The following MYO5A variants were observed in gnomAD, a reference collection of about 807,000 sequenced individuals.
MYO5A encodes myosin VA, also known as unconventional myosin-Va.
MYO5A carries 98 observed loss-of-function variants against 249.7 expected under a neutral mutation model. The observed-to-expected ratio is 0.39, with a 90% CI of 0.33 to 0.46. The LOEUF is 0.46. Among genes scored for constraint, MYO5A ranks in the 20% least tolerant of loss-of-function variants. MYO5A has a pLI of 0.98. For missense variants in MYO5A, 1,696 were observed against 2,308.8 expected (o/e 0.73, Z 5.44); for synonymous variants, 778 against 810.6 (o/e 0.96, Z 0.68).
chr15:52,387,876 T>C lies in MYO5A; in HGVS notation c.1705A>G (p.Lys569Glu). Residue 569 changes from lysine (K) to glutamate (E), a missense_variant, in exon 14 of 42, where the codon AAA becomes GAA. By Grantham distance (56) the Lys-to-Glu change is moderately conservative. This residue lies in a region of MYO5A where 277 missense variants were observed against 422.4 expected (regional missense o/e 0.66). Coordinates refer to ENST00000399233, the MANE Select transcript of MYO5A (RefSeq NM_001382347.1). ...YQCEGFLEKN[K>E]DTVFEEQIKV... is the part of the protein sequence containing the mutation. ...ATTTGTTCTTCAAAAACGGTGTCTT[T>C]ATTCTTTTCGAGAAATCCTTCACAC... 1 of 1,612,748 alleles carries C rather than the reference T, an allele frequency of 6.2e-7. No individual in the cohort carries two copies. Among genetic ancestry groups the C allele is most frequent in the Non-Finnish European group, 8.5e-7 (1 of 1,179,240 alleles).
At chr15:52,381,436 G>T (rs2041734181) in intron 16 of MYO5A, among the ~76,000 whole-genome samples, 1 of 152,060 alleles carries the variant, frequency 6.6e-6, no homozygotes, top group Non-Finnish European at 1.5e-5. Context: ...GGGGGTGAGG[G>T]GTGGGAGCTA....
chr15:52,526,435 C>T (rs1471532666), intron 1 of MYO5A, among the ~76,000 whole-genome samples: 1 of 152,056 alleles, frequency 6.6e-6, no homozygotes, highest in Non-Finnish European at 1.5e-5. Context: ...GATCTTGGTT[C>T]ACTGCAACCT....
chr15:52,443,040 C>T (rs187005927), intron 1 of MYO5A, among the ~76,000 whole-genome samples: 4 of 152,310 alleles, frequency 2.6e-5, no homozygotes, highest in Admixed American at 2.6e-4. Context: ...CGTGAGCCAC[C>T]GTGCCTGGCC....
At chr15:52,392,196 A>T in intron 11 of MYO5A, 126 bp from the exon 12 acceptor site, 1 of 913,472 alleles carries the variant, frequency 1.1e-6, no homozygotes, top group Non-Finnish European at 1.7e-6. Context: ...CGGGAGAAGC[A>T]TGATTTACAC....
Position 52,490,136 on chromosome 15 carries a change from T to C in MYO5A, c.27+38644A>G, listed in dbSNP as rs2076906510. Among the ~76,000 whole-genome samples, 4 of 152,198 alleles carry C rather than the reference T, an allele frequency of 2.6e-5. 1 individual carries two copies. The highest frequency in any genetic ancestry group is 1.3e-4 in the Admixed American group (2 of 15,278). On this transcript the variant is annotated intron_variant, in intron 1 of 41. Coordinates refer to ENST00000399233, the MANE Select transcript of MYO5A (RefSeq NM_001382347.1). ...TGGAGAAATTAGAACCTCTGCACCC[T>C]GGTAATGTAAAATGGTGCAGCCAGT... is the stretch of plus-strand genomic sequence containing the variant.
chr15:52,430,284 A>T (rs1306584866), intron 2 of MYO5A, among the ~76,000 whole-genome samples: 1 of 152,204 alleles, frequency 6.6e-6, no homozygotes, highest in African/African-American at 2.4e-5. Context: ...GAATGGCAGA[A>T]GGGCAACCCA....
chr15:52,307,658 C>A lies in MYO5A; in HGVS notation c.*6038G>T, dbSNP rs976882741. The A allele has an allele frequency of 6.6e-6, 1 of 151,978 alleles. No individual in the cohort carries two copies. The highest frequency in any genetic ancestry group is 2.4e-5 in the African/African-American group (1 of 41,404). The allele number at this position is 151,978 out of a possible 1,614,324, so 9.4% of individuals were successfully genotyped here. A position where few individuals can be genotyped will look rare whatever the true frequency, so the allele number is the denominator to read the frequency against. ...TTGTATCAAAATTTTCTATGCAGAT[C>A]AAAGTAGAATTCCTTTTCCAGACCC... On this transcript the variant is annotated 3_prime_UTR_variant, in exon 42 of 42. Coordinates refer to ENST00000399233, the MANE Select transcript of MYO5A (RefSeq NM_001382347.1).
In MYO5A at chr15:52,311,275, G is replaced by C. The variant is rs896130689; in HGVS notation, c.*2421C>G. On this transcript the variant is annotated 3_prime_UTR_variant, in exon 42 of 42. Transcript: ENST00000399233. Reference sequence around the variant, plus strand: ...TGCTACACAGGATGAAGCTGGGGGAGGTCTGGGAGATTTCCAGGGCTGAGG... The same window carrying C: ...TGCTACACAGGATGAAGCTGGGGGACGTCTGGGAGATTTCCAGGGCTGAGG... 13 of 152,260 alleles carry C rather than the reference G, an allele frequency of 8.5e-5. No individual in the cohort carries two copies. The highest frequency in any genetic ancestry group is 3.1e-4 in the African/African-American group (13 of 41,452). 9.4% of individuals were successfully genotyped at this position (152,260 alleles called of 1,614,324 possible). A position where few individuals can be genotyped will look rare whatever the true frequency, so the allele number is the denominator to read the frequency against.
intron 28 of MYO5A, among the ~76,000 whole-genome samples, chr15:52,350,931 A>G (rs1225855079): frequency 6.6e-6 from 1 of 152,226 alleles, no homozygotes; most frequent in African/African-American, 2.4e-5. Context: ...CCGCAGTAAG[A>G]AAATTTAGAG....
chr15:52,447,409 G>A (rs766312072), intron 1 of MYO5A, among the ~76,000 whole-genome samples: 12 of 152,150 alleles, frequency 7.9e-5, no homozygotes, highest in Non-Finnish European at 1.8e-4. Flanking sequence ...GCAGAACCAT[G>A]AGCCAATTAA....
intron 22 of MYO5A, among the ~76,000 whole-genome samples, 184 bp from the exon 23 acceptor site, chr15:52,367,308 A>C (rs2040858662): frequency 6.6e-6 from 1 of 152,204 alleles, no homozygotes; most frequent in Admixed American, 6.5e-5. Flanking sequence ...AGCCTTCCTG[A>C]AACCCCCTTC....
At chr15:52,409,773 A>G (rs537306392) in intron 6 of MYO5A, among the ~76,000 whole-genome samples, 93 of 152,242 alleles carry the variant, frequency 6.1e-4, no homozygotes, top group African/African-American at 2.1e-3. Context: ...AGTATCTCCC[A>G]TATCTCCCAC....
chr15:52,425,072 T>C (rs1405537832), intron 4 of MYO5A, among the ~76,000 whole-genome samples: 1 of 152,170 alleles, frequency 6.6e-6, no homozygotes, highest in Non-Finnish European at 1.5e-5. Context: ...CTGGGCAACA[T>C]AGCAAGACCC....
intron 27 of MYO5A, among the ~76,000 whole-genome samples, chr15:52,351,780 A>G (rs188866400): frequency 9.8e-5 from 15 of 152,340 alleles, no homozygotes; most frequent in African/African-American, 3.6e-4. Context: ...CTGAGTCCCA[A>G]GGGGTGAGTT....
intron 8 of MYO5A, among the ~76,000 whole-genome samples, 166 bp downstream of exon 8, chr15:52,407,126 A>G (rs895563563): frequency 6.6e-6 from 1 of 152,324 alleles, no homozygotes; most frequent in Non-Finnish European, 1.5e-5. Flanking sequence ...CATCATCCCA[A>G]AAAGAAATCT....
chr15:52,384,931 T>G (rs2041914162), intron 14 of MYO5A, among the ~76,000 whole-genome samples: 2 of 152,218 alleles, frequency 1.3e-5, no homozygotes, highest in Admixed American at 1.3e-4. Context: ...AAAAAAAGTT[T>G]AAAACCCTAC....
intron 1 of MYO5A, among the ~76,000 whole-genome samples, chr15:52,519,336 G>A (rs1048169815): frequency 6.6e-6 from 1 of 152,122 alleles, no homozygotes; most frequent in African/African-American, 2.4e-5. Flanking sequence ...ATAATGGCCG[G>A]GCATGGTAGC....
At chr15:52,372,044 A>C (rs1324066186) in intron 21 of MYO5A, 80 bp downstream of exon 21, 5 of 1,603,718 alleles carry the variant, frequency 3.1e-6, no homozygotes, top group Non-Finnish European at 4.3e-6. Flanking sequence ...GGGTAAAGTC[A>C]AAGAAAAACA....
At chr15:52,410,893 G>A (rs997079163) in intron 5 of MYO5A, among the ~76,000 whole-genome samples, 1 of 152,132 alleles carries the variant, frequency 6.6e-6, no homozygotes, top group Non-Finnish European at 1.5e-5. Flanking sequence ...ATTCTTTTAA[G>A]AACAGAACCA....
Sources: allele counts gnomAD v4.1 joint callset (sites outside exome capture counted in the v4.1 genomes callset), GRCh38; gene constraint gnomAD v4.1.1; regional missense constraint gnomAD v4.1.1; transcripts MANE v1.5; gene names NCBI Gene and HGNC (gene_info 2026-07-23, HGNC 2026-07-21).